PLPP1: variants seen among roughly 807,000 people sequenced by gnomAD.
PLPP1 encodes lipid phosphate phosphohydrolase 1a.
A neutral mutation model predicts 31.2 loss-of-function variants in PLPP1; 24 were observed. That is an observed-to-expected ratio of 0.77 (90% CI 0.56 to 1.08). PLPP1 has a LOEUF of 1.08. Among genes scored for constraint, PLPP1 ranks in the 50% least tolerant of loss-of-function variants. The probability of loss-of-function intolerance (pLI) is 0.00; values close to 1 mark genes in which losing one functional copy is unlikely to be tolerated. For synonymous variants in PLPP1, 146 were observed against 126.3 expected (o/e 1.16, Z -1.05); for missense variants, 319 against 342.7 (o/e 0.93, Z 0.55).
intron 1 of PLPP1, among the ~76,000 whole-genome samples, chr5:55,511,576 T>C (rs1014388509): frequency 4.0e-5 from 6 of 151,092 alleles, no homozygotes; most frequent in Non-Finnish European, 5.9e-5. Flanking sequence ...CTTTGGATGA[T>C]GGTGAGAATA....
chr5:55,534,488 A>ACC, intron 1 of PLPP1, 84 bp downstream of exon 1: 1 of 1,372,164 alleles, frequency 7.3e-7, no homozygotes, highest in Non-Finnish European at 9.7e-7. Flanking sequence ...CAGGCAACAC[A>ACC]CCCCCGCTGC....
chr5:55,498,334 G>A (rs1324622903), intron 1 of PLPP1, among the ~76,000 whole-genome samples: 1 of 152,006 alleles, frequency 6.6e-6, no homozygotes, highest in Non-Finnish European at 1.5e-5. Context: ...AGGAAAAAGA[G>A]GTAGATCCTA....
chr5:55,512,496 GAAAAGAAAAGAAAAGA>G (rs1561253084), intron 1 of PLPP1, among the ~76,000 whole-genome samples: 38 of 13,182 alleles, frequency 2.9e-3, no homozygotes, highest in African/African-American at 6.5e-3. Flanking sequence ...AAGAAAGAAA[GAAAAGAAAAGAAAAGA>G]AAAGAAAGAA....
chr5:55,477,396 C>T (rs796343635), intron 1 of PLPP1, among the ~76,000 whole-genome samples: 16 of 133,314 alleles, frequency 1.2e-4, no homozygotes, highest in East Asian at 4.3e-4. Context: ...TTTTTCTTTT[C>T]TTTTTTTTTT....
At chr5:55,462,235 C>A (rs962303484) in intron 3 of PLPP1, among the ~76,000 whole-genome samples, 1 of 152,144 alleles carries the variant, frequency 6.6e-6, no homozygotes, top group Non-Finnish European at 1.5e-5. Context: ...AAAAGCTTCC[C>A]ATTACACCTC....
intron 1 of PLPP1, among the ~76,000 whole-genome samples, chr5:55,482,331 T>C (rs895102191): frequency 2.0e-5 from 3 of 151,800 alleles, no homozygotes; most frequent in African/African-American, 7.3e-5. Flanking sequence ...CTTGGAAATA[T>C]GGTCAGTTTC....
intron 4 of PLPP1, among the ~76,000 whole-genome samples, chr5:55,432,615 C>T (rs1019963715): frequency 6.6e-6 from 1 of 151,452 alleles, no homozygotes; most frequent in African/African-American, 2.4e-5. Flanking sequence ...AACACAGATG[C>T]AAAAATCCTC....
At chr5:55,460,060 A>G (rs1157333866) in intron 3 of PLPP1, among the ~76,000 whole-genome samples, 1 of 152,324 alleles carries the variant, frequency 6.6e-6, no homozygotes, top group East Asian at 1.9e-4. Context: ...TTACGTTATT[A>G]AGGCTTCCAG....
chr5:55,471,080 T>C (rs1752402695), intron 2 of PLPP1, among the ~76,000 whole-genome samples: 2 of 152,176 alleles, frequency 1.3e-5, no homozygotes. Flanking sequence ...CCCAAAAGAA[T>C]TGTCTAAAAT....
intron 3 of PLPP1, among the ~76,000 whole-genome samples, chr5:55,462,305 G>A (rs1431440940): frequency 6.6e-6 from 1 of 152,200 alleles, no homozygotes; most frequent in African/African-American, 2.4e-5. Flanking sequence ...ACAGAGCAAT[G>A]AACTAGACTA....
rs185505672 is a variant in PLPP1 at position 55,499,883 on chromosome 5, C to T, written c.59-24433G>A. ...ATTTCAAATATCCTACCATAAAATC[C>T]GGTAGAATATATTTATATTTCACAT... On this transcript the variant is annotated intron_variant, in intron 1 of 5. Transcript: ENST00000307259. Among the ~76,000 whole-genome samples, 146 of 150,852 alleles carry T rather than the reference C, an allele frequency of 9.7e-4. 1 individual carries two copies. The highest frequency in any genetic ancestry group is 3.4e-3 in the Middle Eastern group (1 of 290).
At chr5:55,477,223 C>T (rs1752570293) in intron 1 of PLPP1, among the ~76,000 whole-genome samples, 1 of 152,100 alleles carries the variant, frequency 6.6e-6, no homozygotes, top group African/African-American at 2.4e-5. Context: ...TTTGCACAAA[C>T]CTTTTGCACT....
intron 1 of PLPP1, among the ~76,000 whole-genome samples, chr5:55,481,002 C>T (rs539803530): frequency 6.6e-6 from 1 of 152,160 alleles, no homozygotes; most frequent in Non-Finnish European, 1.5e-5. Context: ...CTATATTTTA[C>T]CAGTGAATAT....
intron 4 of PLPP1, among the ~76,000 whole-genome samples, chr5:55,437,823 T>C (rs1185132833): frequency 6.6e-6 from 1 of 152,204 alleles, no homozygotes; most frequent in Admixed American, 6.5e-5. Context: ...GGGCCATGAG[T>C]TGTTCATCAT....
At chr5:55,427,826 C>T (rs1283949847) in intron 4 of PLPP1, among the ~76,000 whole-genome samples, 2 of 151,968 alleles carry the variant, frequency 1.3e-5, no homozygotes, top group Non-Finnish European at 2.9e-5. Context: ...CCTCTTGTTG[C>T]CCAGGCTGGA....
chr5:55,439,390 C>T (rs891351588), intron 4 of PLPP1, among the ~76,000 whole-genome samples: 2 of 152,192 alleles, frequency 1.3e-5, no homozygotes, highest in African/African-American at 2.4e-5. Context: ...ATTTTCTGTA[C>T]TCACTTTCCT....
At chr5:55,438,731 C>G (rs192605984) in intron 4 of PLPP1, among the ~76,000 whole-genome samples, 28 of 152,192 alleles carry the variant, frequency 1.8e-4, no homozygotes, top group Admixed American at 5.2e-4. Flanking sequence ...AAAACCCTGT[C>G]TCTACTAAAG....
intron 3 of PLPP1, among the ~76,000 whole-genome samples, chr5:55,444,099 T>G (rs1751696431): frequency 6.6e-6 from 1 of 151,786 alleles, no homozygotes; most frequent in Non-Finnish European, 1.5e-5. Context: ...TTTTTTTTTT[T>G]GAGACAGAGT....
intron 1 of PLPP1, among the ~76,000 whole-genome samples, chr5:55,509,078 T>C (rs542933631): frequency 2.6e-5 from 4 of 152,140 alleles, no homozygotes; most frequent in African/African-American, 9.7e-5. Flanking sequence ...TTCACTAAAG[T>C]AACGTAGAGG....
Sources: allele counts gnomAD v4.1 joint callset (sites outside exome capture counted in the v4.1 genomes callset), GRCh38; gene constraint gnomAD v4.1.1; transcripts MANE v1.5; gene names NCBI Gene and HGNC (gene_info 2026-07-23, HGNC 2026-07-21).